Variants in CDH13 observed in about 807,000 individuals in gnomAD.
The protein encoded by CDH13 is cadherin 13.
A neutral mutation model predicts 63.8 loss-of-function variants in CDH13; 24 were observed. That is an observed-to-expected ratio of 0.38 (90% CI 0.27 to 0.53). The LOEUF is 0.53. CDH13 is among the 20% of genes least tolerant of loss of function. The probability of loss-of-function intolerance (pLI) is 0.85; values close to 1 mark genes in which losing one functional copy is unlikely to be tolerated. For missense variants in CDH13, 1,049 were observed against 903.1 expected (o/e 1.16, Z -2.07); for synonymous variants, 503 against 355.3 (o/e 1.42, Z -4.67).
intron 6 of CDH13, among the ~76,000 whole-genome samples, chr16:83,420,987 A>T (rs2071698029): frequency 6.6e-6 from 1 of 152,226 alleles, no homozygotes; most frequent in East Asian, 1.9e-4. Context: ...TGTTCTAGCC[A>T]TGCCGACAGC....
chr16:83,370,367 A>G (rs1462873536), intron 6 of CDH13, among the ~76,000 whole-genome samples: 1 of 151,330 alleles, frequency 6.6e-6, no homozygotes, highest in Non-Finnish European at 1.5e-5. Flanking sequence ...CAGCCTGGGT[A>G]ACACAGCGAG....
At chr16:83,545,977 C>G (rs1170705674) in intron 7 of CDH13, among the ~76,000 whole-genome samples, 2 of 152,140 alleles carry the variant, frequency 1.3e-5, no homozygotes, top group East Asian at 3.9e-4. Context: ...AGCCATTGTT[C>G]TAGCTGGGGA....
chr16:83,296,422 G>A (rs149309152), intron 5 of CDH13, among the ~76,000 whole-genome samples: 1 of 152,288 alleles, frequency 6.6e-6, no homozygotes, highest in East Asian at 1.9e-4. Context: ...TCATGGTAGG[G>A]AAGAATAAGG....
At chr16:82,933,454 C>T (rs1184892220) in intron 2 of CDH13, among the ~76,000 whole-genome samples, 1 of 152,272 alleles carries the variant, frequency 6.6e-6, no homozygotes, top group Admixed American at 6.5e-5. Flanking sequence ...ATTCAGATTA[C>T]CATTCAAGAT....
At position 82,766,991 on chromosome 16, in the gene CDH13, C is replaced by T. The variant is rs138207907; in HGVS notation, c.46-91371C>T. Among the ~76,000 whole-genome samples the T allele has an allele frequency of 2.4e-3, 366 of 152,256 alleles. 1 individual carries two copies. The highest frequency in any genetic ancestry group is 8.2e-3 in the African/African-American group (339 of 41,554). On this transcript the variant is annotated intron_variant, in intron 1 of 13. Transcript: ENST00000567109. Reference sequence around the variant, plus strand: ...CCATTTAATCCACGCATTTTACCACCTATCTTTCCTTCTGTGTGTCTCCCG... The same window carrying T: ...CCATTTAATCCACGCATTTTACCACTTATCTTTCCTTCTGTGTGTCTCCCG...
intron 3 of CDH13, among the ~76,000 whole-genome samples, chr16:83,084,505 T>C (rs2033453852): frequency 6.6e-6 from 1 of 152,196 alleles, no homozygotes; most frequent in African/African-American, 2.4e-5. Context: ...TTCAAGATTA[T>C]GGGGAAAAAA....
At chr16:83,389,792 G>T (rs16960334) in intron 6 of CDH13, among the ~76,000 whole-genome samples, 24,192 of 152,196 alleles carry the variant, frequency 0.16, 2,485 homozygotes, top group African/African-American at 0.28. Flanking sequence ...TGCCAGGTGA[G>T]TCTGAGTTTG....
chr16:83,429,467 A>G (rs1251565978), intron 6 of CDH13, among the ~76,000 whole-genome samples: 4 of 152,078 alleles, frequency 2.6e-5, no homozygotes, highest in Non-Finnish European at 5.9e-5. Context: ...TCCTGTGATT[A>G]TATTTGTTGC....
chr16:83,465,122 G>A (rs775314074), intron 6 of CDH13, among the ~76,000 whole-genome samples: 7 of 152,190 alleles, frequency 4.6e-5, no homozygotes, highest in Non-Finnish European at 7.3e-5. Context: ...AGAGGGTTGC[G>A]GGGATTCATT....
chr16:83,773,282 T>C (rs2151000609), intron 11 of CDH13, among the ~76,000 whole-genome samples: 1 of 152,270 alleles, frequency 6.6e-6, no homozygotes, highest in East Asian at 1.9e-4. Flanking sequence ...AAAAGAGAAG[T>C]CAAGGCCTAT....
intron 1 of CDH13, chr16:82,824,234 TA>T (rs2038136186): frequency 6.6e-6 from 1 of 151,924 alleles, no homozygotes; most frequent in South Asian, 2.1e-4. Flanking sequence ...TTCATAATGA[TA>T]GGGGAAAACA....
chr16:83,426,255 A>G (rs1408697538), intron 6 of CDH13, among the ~76,000 whole-genome samples: 1 of 152,100 alleles, frequency 6.6e-6, no homozygotes, highest in Non-Finnish European at 1.5e-5. Context: ...ATTCTGGTTC[A>G]GTTTTCCTGT....
At chr16:82,914,113 C>T (rs1323890214) in intron 2 of CDH13, among the ~76,000 whole-genome samples, 1 of 152,026 alleles carries the variant, frequency 6.6e-6, no homozygotes, top group Non-Finnish European at 1.5e-5. Flanking sequence ...AGAACTCTAG[C>T]CATTATCTCC....
chr16:82,698,779 A>G (rs949130031), intron 1 of CDH13, among the ~76,000 whole-genome samples: 19 of 152,246 alleles, frequency 1.2e-4, no homozygotes, highest in African/African-American at 4.6e-4. Flanking sequence ...AGGAAGCCAA[A>G]GAAATAGCTA....
In CDH13 at chr16:82,885,000, C is replaced by T. The variant is rs558339234; in HGVS notation, c.157+26527C>T. 3.3e-3 allele frequency among the ~76,000 whole-genome samples: 507 copies of T among 152,266 alleles called. 3 individuals carry two copies. Among genetic ancestry groups the T allele is most frequent in the Non-Finnish European group, 4.5e-3 (309 of 68,014 alleles). ...AGTTGGGTGGACTTACCCATATATACTTGGGTGACATTCAGGAGGCTACTT... is the reference window on the plus strand; with the variant it reads ...AGTTGGGTGGACTTACCCATATATATTTGGGTGACATTCAGGAGGCTACTT... On this transcript the variant is annotated intron_variant, in intron 2 of 13. Coordinates refer to ENST00000567109, the MANE Select transcript of CDH13 (RefSeq NM_001257.5).
At chr16:82,691,376 G>A (rs1484381562) in intron 1 of CDH13, among the ~76,000 whole-genome samples, 3 of 152,334 alleles carry the variant, frequency 2.0e-5, no homozygotes, top group Admixed American at 1.3e-4. Context: ...GGGACTTGAT[G>A]CAAAATCCAT....
At chr16:83,343,354 C>T (rs2090768380) in intron 5 of CDH13, among the ~76,000 whole-genome samples, 1 of 152,140 alleles carries the variant, frequency 6.6e-6, no homozygotes, top group African/African-American at 2.4e-5. Context: ...TATGTTGTTA[C>T]ACAAACATTC....
intron 2 of CDH13, among the ~76,000 whole-genome samples, chr16:82,905,174 G>A (rs920666199): frequency 6.6e-6 from 1 of 152,180 alleles, no homozygotes; most frequent in African/African-American, 2.4e-5. Context: ...CATCCGGTGT[G>A]TTTAGACGGG....
At chr16:83,668,869 A>T (rs1044980323) in intron 8 of CDH13, among the ~76,000 whole-genome samples, 4 of 152,208 alleles carry the variant, frequency 2.6e-5, no homozygotes, top group Non-Finnish European at 5.9e-5. Context: ...GCATTAATTG[A>T]TCACAGCATT....
Sources: gnomAD v4.1 joint callset for allele counts (sites outside exome capture counted in the v4.1 genomes callset) on GRCh38, gnomAD v4.1.1 for gene constraint, MANE v1.5 for transcripts, NCBI Gene and HGNC (gene_info 2026-07-23, HGNC 2026-07-21) for gene names.